SLC24A3: variants seen among roughly 807,000 people sequenced by gnomAD.
SLC24A3 encodes the protein solute carrier family 24 member 3.
A neutral mutation model predicts 75.8 loss-of-function variants in SLC24A3; 28 were observed. That is an observed-to-expected ratio of 0.37 (90% confidence interval 0.27 to 0.51). The LOEUF (loss-of-function observed/expected upper bound fraction) is 0.51, where lower values mean the gene tolerates loss of function less well. Ranked by LOEUF, SLC24A3 falls within the 20% of genes least tolerant of loss-of-function variation. The pLI is 0.94. For synonymous variants in SLC24A3, 372 were observed against 334.1 expected (o/e 1.11, Z -1.24); for missense variants, 663 against 847.8 (o/e 0.78, Z 2.71).
intron 2 of SLC24A3, among the ~76,000 whole-genome samples, chr20:19,387,867 C>T (rs575032577): frequency 6.6e-6 from 1 of 152,234 alleles, no homozygotes; most frequent in Non-Finnish European, 1.5e-5. Flanking sequence ...TCTGCTGTTT[C>T]ATTATTGATT....
intron 6 of SLC24A3, among the ~76,000 whole-genome samples, chr20:19,587,461 T>C (rs1223460770): frequency 6.6e-6 from 1 of 152,196 alleles, no homozygotes; most frequent in Admixed American, 6.5e-5. Context: ...CACAACCCTG[T>C]AGCCATGGAC....
intron 1 of SLC24A3, among the ~76,000 whole-genome samples, chr20:19,268,234 T>C (rs902851243): frequency 6.6e-6 from 1 of 152,174 alleles, no homozygotes; most frequent in African/African-American, 2.4e-5. Context: ...TTATGTAAAT[T>C]ATGGGATATG....
intron 7 of SLC24A3, among the ~76,000 whole-genome samples, chr20:19,656,397 C>G (rs1236891774): frequency 1.6e-5 from 2 of 121,422 alleles, no homozygotes; most frequent in African/African-American, 6.1e-5. Flanking sequence ...CATGCTGGAA[C>G]TGAAGACATG....
chr20:19,549,172 A>C (rs2030651541), intron 3 of SLC24A3, among the ~76,000 whole-genome samples: 1 of 152,194 alleles, frequency 6.6e-6, no homozygotes, highest in South Asian at 2.1e-4. Flanking sequence ...CAGTCACATG[A>C]TGGCACCTAA....
intron 2 of SLC24A3, among the ~76,000 whole-genome samples, chr20:19,353,560 G>A (rs1159028894): frequency 1.3e-5 from 2 of 152,154 alleles, no homozygotes; most frequent in African/African-American, 2.4e-5. Flanking sequence ...TGCTAGAGAT[G>A]CAAGAACTAT....
rs188568351 is a variant in SLC24A3 at position 19,430,670 on chromosome 20, A to G, written c.272-84818A>G. On this transcript the variant is annotated intron_variant, in intron 2 of 16. Transcript: ENST00000328041. ...TGCTGCAGCCTGTGACCACATACTCACACACACATACACATTTGTATATGT... is the reference window on the plus strand; with the variant it reads ...TGCTGCAGCCTGTGACCACATACTCGCACACACATACACATTTGTATATGT... Among the ~76,000 whole-genome samples the G allele has an allele frequency of 1.4e-4, 22 of 152,220 alleles. No homozygotes were observed. The East Asian group carries it at 4.3e-3, about 29-fold the overall frequency.
At chr20:19,624,858 G>T (rs1271289975) in intron 6 of SLC24A3, among the ~76,000 whole-genome samples, 1 of 152,126 alleles carries the variant, frequency 6.6e-6, no homozygotes, top group East Asian at 1.9e-4. Context: ...TTTATCTATT[G>T]CTATGTCACA....
At chr20:19,217,694 G>C (rs1251691081) in intron 1 of SLC24A3, among the ~76,000 whole-genome samples, 1 of 152,120 alleles carries the variant, frequency 6.6e-6, no homozygotes, top group Non-Finnish European at 1.5e-5. Flanking sequence ...AGGACTGCTG[G>C]AATCTCCAGC....
chr20:19,361,215 C>T (rs1458793824), intron 2 of SLC24A3, among the ~76,000 whole-genome samples: 1 of 152,222 alleles, frequency 6.6e-6, no homozygotes, highest in South Asian at 2.1e-4. Flanking sequence ...AGCTTTGCAA[C>T]AATCCATCAG....
chr20:19,498,049 T>G (rs982328003), intron 2 of SLC24A3, among the ~76,000 whole-genome samples: 1 of 152,040 alleles, frequency 6.6e-6, no homozygotes, highest in Admixed American at 6.6e-5. Flanking sequence ...GGCATTAGAT[T>G]CTCGTAGGAG....
At chr20:19,306,696 A>G (rs1274132856) in intron 2 of SLC24A3, among the ~76,000 whole-genome samples, 3 of 152,024 alleles carry the variant, frequency 2.0e-5, no homozygotes, top group East Asian at 1.9e-4. Context: ...ACTGCAGACT[A>G]CTAGAGGGGG....
chr20:19,684,380 G>C, intron 11 of SLC24A3, 44 bp downstream of exon 11: 1 of 1,569,062 alleles, frequency 6.4e-7, no homozygotes, highest in Non-Finnish European at 8.7e-7. Context: ...ACAGGGGTGG[G>C]AAACTCTGGG....
chr20:19,620,594 G>T (rs2031791284), intron 6 of SLC24A3, among the ~76,000 whole-genome samples: 1 of 152,152 alleles, frequency 6.6e-6, no homozygotes, highest in African/African-American at 2.4e-5. Flanking sequence ...GCTGTCACTG[G>T]GACACTAGCA....
chr20:19,342,904 A>G (rs1985301543), intron 2 of SLC24A3, among the ~76,000 whole-genome samples: 1 of 151,928 alleles, frequency 6.6e-6, no homozygotes, highest in African/African-American at 2.4e-5. Context: ...CCCCGTCTCT[A>G]CTAAAATACA....
intron 2 of SLC24A3, among the ~76,000 whole-genome samples, chr20:19,306,223 A>T (rs6035287): frequency 0.04 from 6,033 of 152,228 alleles, 397 homozygotes; most frequent in African/African-American, 0.14. Context: ...GACAGAAAAG[A>T]ATAGATGTTG....
intron 6 of SLC24A3, among the ~76,000 whole-genome samples, chr20:19,650,462 C>T (rs184715793): frequency 2.1e-3 from 324 of 152,340 alleles, no homozygotes; most frequent in Non-Finnish European, 3.5e-3. Flanking sequence ...TCCAGTCCCA[C>T]CATCACCATT....
chr20:19,640,650 T>G (rs914492490), intron 6 of SLC24A3, among the ~76,000 whole-genome samples: 23 of 152,078 alleles, frequency 1.5e-4, no homozygotes, highest in African/African-American at 5.6e-4. Context: ...CTCCGAAGTG[T>G]GAGGCAGGAG....
At chr20:19,412,630 AG>A (rs796639171) in intron 2 of SLC24A3, among the ~76,000 whole-genome samples, 1 of 147,134 alleles carries the variant, frequency 6.8e-6, no homozygotes, top group Non-Finnish European at 1.5e-5. Flanking sequence ...GAGGAGGAGG[AG>A]GGGGGGAGGA....
At chr20:19,424,502 C>T (rs1986966398) in intron 2 of SLC24A3, among the ~76,000 whole-genome samples, 1 of 151,902 alleles carries the variant, frequency 6.6e-6, no homozygotes, top group South Asian at 2.1e-4. Context: ...CCAGCCTGGC[C>T]AACATGGTGA....
Sources: allele counts gnomAD v4.1 joint callset (sites outside exome capture counted in the v4.1 genomes callset), GRCh38; gene constraint gnomAD v4.1.1; transcripts MANE v1.5; gene names NCBI Gene and HGNC (gene_info 2026-07-23, HGNC 2026-07-21).